Variants in FBXO15 observed in about 807,000 individuals in gnomAD.
FBXO15 encodes F-box only protein 15.
A neutral mutation model predicts 49.5 loss-of-function variants in FBXO15; 30 were observed. The ratio of observed to expected loss-of-function variants is 0.61; its 90% CI spans 0.45 to 0.82. The LOEUF (loss-of-function observed/expected upper bound fraction) is 0.82. Among genes scored for constraint, FBXO15 ranks in the 40% least tolerant of loss-of-function variants. The pLI, the probability that FBXO15 is intolerant of heterozygous loss-of-function variation, is 0.00. For synonymous variants in FBXO15, 250 were observed against 232.7 expected (o/e 1.07, Z -0.68); for missense variants, 591 against 631.5 (o/e 0.94, Z 0.69).
intron 1 of FBXO15, chr18:74,147,051 A>G (rs1272684863): frequency 2.0e-5 from 3 of 152,196 alleles, no homozygotes; most frequent in Non-Finnish European, 4.4e-5. Context: ...GCATGCTGAT[A>G]CTTCTGATGC....
At chr18:74,123,617 T>C in intron 7 of FBXO15, 107 bp from the exon 8 acceptor site, 1 of 1,193,660 alleles carries the variant, frequency 8.4e-7, no homozygotes, top group Non-Finnish European at 1.2e-6. Context: ...AAGCACTACC[T>C]CCTACAAATG....
chr18:74,110,096 C>G (rs566377505), intron 8 of FBXO15, among the ~76,000 whole-genome samples: 21 of 149,816 alleles, frequency 1.4e-4, no homozygotes, highest in Admixed American at 6.7e-4. Context: ...CATAATTGAC[C>G]TAACAGATAA....
intron 3 of FBXO15, among the ~76,000 whole-genome samples, chr18:74,134,671 G>C (rs1389532882): frequency 6.6e-6 from 1 of 152,080 alleles, no homozygotes; most frequent in Non-Finnish European, 1.5e-5. Flanking sequence ...CCTGGCTGGA[G>C]AATTTTTAAA....
At position 74,140,100 on chromosome 18, in the gene FBXO15, G is replaced by T. The variant is rs974996503; in HGVS notation, c.227+102C>A. The stretch of plus-strand genomic sequence containing the variant: ...GTCTTCCTACACAATCCTATTCTTA[G>T]CAAGCTCAAAATAGCAACTTGGTAT... On this transcript the variant is annotated intron_variant, in intron 2 of 9. Coordinates refer to ENST00000419743, the MANE Select transcript of FBXO15 (RefSeq NM_001142958.2). The T allele has an allele frequency of 6.5e-5, 60 of 916,610 alleles. 2 individuals are homozygous for T. The highest frequency in any genetic ancestry group is 2.1e-5 in the Non-Finnish European group (13 of 620,426). The allele number at this position is 916,610 out of a possible 1,614,324, so 56.8% of individuals were successfully genotyped here.
intron 8 of FBXO15, among the ~76,000 whole-genome samples, chr18:74,101,757 TA>T (rs1312395256): frequency 4.6e-5 from 7 of 152,048 alleles, no homozygotes; most frequent in Admixed American, 4.6e-4. Context: ...GGTACTGGTA[TA>T]AAAATAGGCA....
At position 74,075,751 on chromosome 18, in the gene FBXO15, T is replaced by C. The variant is rs1157879326; in HGVS notation, c.1264-2021A>G. Among the ~76,000 whole-genome samples, 3 of 152,174 alleles carry C rather than the reference T, an allele frequency of 2.0e-5. No individual in the cohort carries two copies. Among genetic ancestry groups the C allele is most frequent in the Non-Finnish European group, 4.4e-5 (3 of 68,034 alleles). On this transcript the variant is annotated intron_variant, in intron 9 of 9. Coordinates refer to ENST00000419743, the MANE Select transcript of FBXO15 (RefSeq NM_001142958.2). The surrounding 1 kb of genome is among the most constrained non-coding windows in gnomAD (Gnocchi z 4.1). ...TGAAGAGTAATTCTACCTCTCCAAA[T>C]GCATCCAGAACCCACAAGCCCTGCA...
At chr18:74,123,324 C>G in intron 8 of FBXO15, 44 bp downstream of exon 8, 1 of 1,584,376 alleles carries the variant, frequency 6.3e-7, no homozygotes, top group Non-Finnish European at 8.6e-7. Flanking sequence ...TCCCTCACCT[C>G]AACCTTTAAT....
chr18:74,073,795 C>G, intron 9 of FBXO15, 65 bp from the exon 10 acceptor site: 1 of 1,536,836 alleles, frequency 6.5e-7, no homozygotes, highest in Non-Finnish European at 8.7e-7. Flanking sequence ...CACAGAAAAT[C>G]GTGACTCTGT....
chr18:74,146,681 T>C (rs1485577333), intron 1 of FBXO15, among the ~76,000 whole-genome samples: 2 of 152,182 alleles, frequency 1.3e-5, no homozygotes, highest in Admixed American at 1.3e-4. Context: ...TAAGAACTAT[T>C]ATCACAGCAC....
rs1914697277 is a variant in FBXO15 at position 74,126,085 on chromosome 18, A to C, written c.802T>G (p.Leu268Val). 2.5e-6 allele frequency: 4 copies of C among 1,613,732 alleles called. No homozygotes were observed. The highest frequency in any genetic ancestry group is 2.2e-5 in the East Asian group (1 of 44,878). ...TGACTCAGATTGTACTTTGCAATTA[A>C]AGAATGCCATCGGAGTCTTTGAACG... ...PTKHRLRWHS[L>V]IAKYNLSHLT... The change falls in exon 6 of 10, where the codon TTA becomes GTA. Residue 268 changes from leucine to valine, a missense_variant. Leu to Val is a conservative substitution (Grantham distance 32). Transcript: ENST00000419743.
At chr18:74,115,622 C>A (rs908296878) in intron 8 of FBXO15, among the ~76,000 whole-genome samples, 2 of 152,130 alleles carry the variant, frequency 1.3e-5, no homozygotes, top group Admixed American at 1.3e-4. Context: ...TCTAGAGATC[C>A]TTTTAGCCAG....
intron 8 of FBXO15, among the ~76,000 whole-genome samples, chr18:74,104,311 A>G (rs140226165): frequency 2.2e-4 from 33 of 152,272 alleles, no homozygotes; most frequent in African/African-American, 7.2e-4. Flanking sequence ...ATAAAAAGCA[A>G]CAAATTAAAA....
Position 74,147,565 on chromosome 18 carries a change from G to A in FBXO15, c.116+105C>T, listed in dbSNP as rs552288952. The A allele has an allele frequency of 3.8e-4, 496 of 1,289,848 alleles. 9 individuals carry two copies. In the South Asian group the frequency reaches 0.01, roughly 27 times the overall value. The allele number at this position is 1,289,848 out of a possible 1,614,324, so 79.9% of individuals were successfully genotyped here. A position where few individuals can be genotyped will look rare whatever the true frequency, so the allele number is the denominator to read the frequency against. ...CCCTTCTCACGTTGAAGACGGCCACGGGCCTTGCGCCAAGCTGGACGAATA... is the reference window on the plus strand; with the variant it reads ...CCCTTCTCACGTTGAAGACGGCCACAGGCCTTGCGCCAAGCTGGACGAATA... On this transcript the variant is annotated intron_variant, in intron 1 of 9. Coordinates refer to ENST00000419743, the MANE Select transcript of FBXO15 (RefSeq NM_001142958.2).
chr18:74,133,459 C>T (rs1033925302), intron 3 of FBXO15, among the ~76,000 whole-genome samples: 3 of 151,942 alleles, frequency 2.0e-5, no homozygotes, highest in African/African-American at 7.3e-5. Context: ...TGAGTTCTAC[C>T]CTTAAATAAA....
Position 74,129,751 on chromosome 18 carries a change from A to C in FBXO15, c.576-137T>G, listed in dbSNP as rs1978316294. The C allele has an allele frequency of 4.4e-6, 3 of 684,850 alleles. No individual in the cohort carries two copies. The African/African-American group carries it at 5.4e-5, about 12-fold the overall frequency. The allele number at this position is 684,850 out of a possible 1,614,324, so 42.4% of individuals were successfully genotyped here. Reference sequence around the variant, plus strand: ...AAAATTCTCAGAATGTGCCCAGTATAATTTTCACTTCAACAATAGTACTCT... The same window carrying C: ...AAAATTCTCAGAATGTGCCCAGTATCATTTTCACTTCAACAATAGTACTCT... On this transcript the variant is annotated intron_variant, in intron 4 of 9. Transcript: ENST00000419743.
intron 8 of FBXO15, among the ~76,000 whole-genome samples, chr18:74,117,969 G>T (rs752456095): frequency 1.3e-5 from 2 of 151,552 alleles, no homozygotes; most frequent in Admixed American, 1.3e-4. Context: ...AATTCTACAT[G>T]CGTATGGATC....
intron 8 of FBXO15, among the ~76,000 whole-genome samples, chr18:74,100,691 C>T (rs566950583): frequency 4.0e-5 from 6 of 151,436 alleles, no homozygotes; most frequent in Non-Finnish European, 8.9e-5. Flanking sequence ...AGAGAGAAAA[C>T]CCAAATAAGA....
intron 1 of FBXO15, among the ~76,000 whole-genome samples, chr18:74,143,216 C>T (rs905603840): frequency 1.3e-5 from 2 of 152,080 alleles, no homozygotes; most frequent in African/African-American, 4.8e-5. Context: ...TAAATAAATA[C>T]CTTACTGAAT....
chr18:74,106,860 T>G (rs1913790585), intron 8 of FBXO15, among the ~76,000 whole-genome samples: 1 of 152,162 alleles, frequency 6.6e-6, no homozygotes, highest in South Asian at 2.1e-4. Context: ...ATTAGGAGAA[T>G]GGGTCAATAA....
Sources: gnomAD v4.1 joint callset for allele counts (sites outside exome capture counted in the v4.1 genomes callset) on GRCh38, gnomAD v4.1.1 for gene constraint, Gnocchi (gnomAD v3.1) non-coding constraint, MANE v1.5 for transcripts, NCBI Gene and HGNC (gene_info 2026-07-23, HGNC 2026-07-21) for gene names.